FAM169A: variants seen among roughly 807,000 people sequenced by gnomAD.
The protein encoded by FAM169A is family with sequence similarity 169 member A.
Under a neutral mutation model 75.7 loss-of-function variants are expected in FAM169A, and 24 were observed. The ratio of observed to expected loss-of-function variants is 0.32; its 90% confidence interval spans 0.23 to 0.45. The LOEUF (loss-of-function observed/expected upper bound fraction) is 0.45. Among genes scored for constraint, FAM169A ranks in the 20% least tolerant of loss-of-function variants. The pLI, the probability that FAM169A is intolerant of heterozygous loss-of-function variation, is 1.00. For synonymous variants in FAM169A, 271 were observed against 271.0 expected (o/e 1.00, Z 0.00); for missense variants, 673 against 784.0 (o/e 0.86, Z 1.69).
chr5:74,832,885 A>G (rs1214719932), intron 5 of FAM169A, among the ~76,000 whole-genome samples: 2 of 152,018 alleles, frequency 1.3e-5, no homozygotes, highest in African/African-American at 4.8e-5. Flanking sequence ...GTAAAGATGT[A>G]AGACAATTAG....
chr5:74,800,411 A>T (rs537880870), intron 10 of FAM169A, among the ~76,000 whole-genome samples: 6 of 151,656 alleles, frequency 4.0e-5, no homozygotes, highest in African/African-American at 1.4e-4. Flanking sequence ...ATGCGGGGGG[A>T]AAAAAACTGA....
intron 1 of FAM169A, among the ~76,000 whole-genome samples, chr5:74,858,441 C>A (rs950452828): frequency 6.6e-6 from 1 of 152,090 alleles, no homozygotes; most frequent in African/African-American, 2.4e-5. Flanking sequence ...AACATGGATG[C>A]ATGCAGATGG....
At chr5:74,811,593 G>C (rs1747197675) in intron 6 of FAM169A, among the ~76,000 whole-genome samples, 1 of 152,172 alleles carries the variant, frequency 6.6e-6, no homozygotes, top group Admixed American at 6.5e-5. Context: ...TATATTTTCA[G>C]TGGAAATAAA....
intron 5 of FAM169A, among the ~76,000 whole-genome samples, chr5:74,819,748 C>G (rs1445535805): frequency 6.6e-6 from 1 of 152,084 alleles, no homozygotes; most frequent in East Asian, 1.9e-4. Context: ...CTGATACATG[C>G]TACCATATGA....
intron 1 of FAM169A, among the ~76,000 whole-genome samples, chr5:74,845,771 A>C (rs1429249570): frequency 1.3e-5 from 2 of 152,214 alleles, no homozygotes; most frequent in African/African-American, 4.8e-5. Flanking sequence ...TATGAATTTC[A>C]AGAGAGATCA....
At chr5:74,806,880 T>C (rs1475315546) in intron 6 of FAM169A, among the ~76,000 whole-genome samples, 1 of 152,164 alleles carries the variant, frequency 6.6e-6, no homozygotes, top group African/African-American at 2.4e-5. Flanking sequence ...TAATGAAATC[T>C]GAGTGGTCAA....
At chr5:74,794,204 C>T (rs1746133959) in intron 11 of FAM169A, among the ~76,000 whole-genome samples, 1 of 147,938 alleles carries the variant, frequency 6.8e-6, no homozygotes, top group Non-Finnish European at 1.5e-5. Flanking sequence ...ACCATCCTGG[C>T]TAACACGGTG....
At chr5:74,831,070 G>A (rs1197726417) in intron 5 of FAM169A, among the ~76,000 whole-genome samples, 2 of 152,026 alleles carry the variant, frequency 1.3e-5, no homozygotes, top group African/African-American at 2.4e-5. Context: ...TTGAAAGCCA[G>A]ACCTGAGACC....
intron 4 of FAM169A, among the ~76,000 whole-genome samples, chr5:74,838,692 A>G (rs980893336): frequency 1.3e-5 from 2 of 152,200 alleles, no homozygotes; most frequent in African/African-American, 4.8e-5. Flanking sequence ...CTATCAAATA[A>G]GAAAATCAGA....
intron 4 of FAM169A, among the ~76,000 whole-genome samples, chr5:74,835,169 G>C (rs1748506535): frequency 6.6e-6 from 1 of 151,968 alleles, no homozygotes; most frequent in Admixed American, 6.6e-5. Context: ...ACAAAGACGG[G>C]GATACCAAAG....
At chr5:74,849,326 A>G (rs1749320428) in intron 1 of FAM169A, among the ~76,000 whole-genome samples, 1 of 152,100 alleles carries the variant, frequency 6.6e-6, no homozygotes, top group African/African-American at 2.4e-5. Flanking sequence ...TTCCCTATTT[A>G]TTGTTGATTA....
intron 1 of FAM169A, among the ~76,000 whole-genome samples, chr5:74,859,709 G>C (rs190399370): frequency 6.6e-6 from 1 of 152,264 alleles, no homozygotes; most frequent in Admixed American, 6.5e-5. Context: ...AAATAAGGAA[G>C]CAAATAACTG....
chr5:74,838,946 A>T lies in FAM169A; in HGVS notation c.318+19T>A, dbSNP rs1748709455. 1 of 1,573,716 alleles carries T rather than the reference A, an allele frequency of 6.4e-7. No individual in the cohort carries two copies. On this transcript the variant is annotated intron_variant, in intron 4 of 12. Transcript: ENST00000687041. ...AAATGGCCTCAAAAGAAACACTCAAAATTAGAGGATCTTGTTACCTGCTTA... is the reference window on the plus strand; with the variant it reads ...AAATGGCCTCAAAAGAAACACTCAATATTAGAGGATCTTGTTACCTGCTTA...
In FAM169A at chr5:74,780,534, C is replaced by A. The variant is rs1745361827; in HGVS notation, c.*926G>T. 6.6e-6 allele frequency: 1 copy of A among 152,136 alleles called. No homozygotes were observed. The highest frequency in any genetic ancestry group is 1.5e-5 in the Non-Finnish European group (1 of 68,008). 9.4% of individuals were successfully genotyped at this position (152,136 alleles called of 1,614,324 possible). A position where few individuals can be genotyped will look rare whatever the true frequency, so the allele number is the denominator to read the frequency against. ...TGCCTTAGGAAGGAGCCTCATACTTCTGAAATATAGATGTTAACTGGGTTG... is the reference window on the plus strand; with the variant it reads ...TGCCTTAGGAAGGAGCCTCATACTTATGAAATATAGATGTTAACTGGGTTG... On this transcript the variant is annotated 3_prime_UTR_variant, in exon 13 of 13. Transcript: ENST00000687041.
At chr5:74,810,460 T>C (rs1034429595) in intron 6 of FAM169A, among the ~76,000 whole-genome samples, 3 of 152,172 alleles carry the variant, frequency 2.0e-5, no homozygotes, top group Admixed American at 1.3e-4. Flanking sequence ...ACATGTACGG[T>C]ACATGTAGGC....
intron 6 of FAM169A, among the ~76,000 whole-genome samples, chr5:74,812,842 T>C (rs989998752): frequency 1.3e-5 from 2 of 152,144 alleles, no homozygotes; most frequent in Non-Finnish European, 2.9e-5. Flanking sequence ...TGTAATAAAA[T>C]ACACAGATAA....
chr5:74,802,508 C>G (rs1746641813), intron 8 of FAM169A, among the ~76,000 whole-genome samples: 1 of 151,908 alleles, frequency 6.6e-6, no homozygotes, highest in African/African-American at 2.4e-5. Context: ...ACCTCTGTAA[C>G]TTTTTTACAT....
Position 74,789,678 on chromosome 5 carries a change from A to G in FAM169A, c.1260+6352T>C, listed in dbSNP as rs547212407. ...TGTGAGAAGCCTTTGGCAGGCCCCC[A>G]TAGGTGAATCACAGCGGAGGCCTCT... is the stretch of plus-strand genomic sequence containing the variant. On this transcript the variant is annotated intron_variant, in intron 11 of 12. Transcript: ENST00000687041. 4.4e-3 allele frequency among the ~76,000 whole-genome samples: 665 copies of G among 152,312 alleles called. 6 individuals are homozygous for G. The highest frequency in any genetic ancestry group is 0.015 in the African/African-American group (623 of 41,576).
intron 7 of FAM169A, 32 bp downstream of exon 7, chr5:74,805,124 T>G: frequency 6.2e-7 from 1 of 1,603,804 alleles, no homozygotes; most frequent in South Asian, 1.1e-5. Flanking sequence ...ATAAATAAAC[T>G]GAACTTATGT....
Sources: allele counts gnomAD v4.1 joint callset (sites outside exome capture counted in the v4.1 genomes callset), GRCh38; gene constraint gnomAD v4.1.1; transcripts MANE v1.5; gene names NCBI Gene and HGNC (gene_info 2026-07-23, HGNC 2026-07-21).